The following ANKRD13C variants were observed in gnomAD, a reference collection of about 807,000 sequenced individuals.
ANKRD13C encodes the protein ankyrin repeat domain 13C, also known as ankyrin repeat domain-containing protein 13C.
ANKRD13C carries 16 observed loss-of-function variants against 65.5 expected under a neutral mutation model. The observed-to-expected ratio is 0.24, with a 90% CI of 0.17 to 0.37. The LOEUF is 0.37. Ranked by LOEUF, ANKRD13C falls within the 10% of genes least tolerant of loss-of-function variation. ANKRD13C has a pLI of 1.00. For synonymous variants in ANKRD13C, 235 were observed against 238.7 expected, an observed-to-expected ratio of 0.98 and a Z score of 0.14; for missense variants, 503 against 655.9, an observed-to-expected ratio of 0.77 and a Z score of 2.55.
intron 9 of ANKRD13C, among the ~76,000 whole-genome samples, chr1:70,284,970 AC>A (rs1679552156): frequency 6.6e-6 from 1 of 152,102 alleles, no homozygotes; most frequent in African/African-American, 2.4e-5. Context: ...ATGGCACTCA[AC>A]TCAGAATAGG....
intron 9 of ANKRD13C, among the ~76,000 whole-genome samples, chr1:70,286,086 AC>A (rs138505289): frequency 0.013 from 2,032 of 152,240 alleles, 56 homozygotes; most frequent in African/African-American, 0.046. Flanking sequence ...AAGAGAAAAA[AC>A]AACACACAGC....
intron 3 of ANKRD13C, among the ~76,000 whole-genome samples, chr1:70,321,196 T>C (rs1319193452): frequency 6.6e-6 from 1 of 152,208 alleles, no homozygotes; most frequent in Non-Finnish European, 1.5e-5. Context: ...TATGCATGAC[T>C]TGAAGTCTCA....
chr1:70,320,681 A>G (rs1320815568), intron 3 of ANKRD13C, among the ~76,000 whole-genome samples: 4 of 152,028 alleles, frequency 2.6e-5, no homozygotes, highest in African/African-American at 7.2e-5. Context: ...TCTTTTCCCT[A>G]TAATTCCTAA....
chr1:70,339,665 C>T (rs1682215540), intron 1 of ANKRD13C, among the ~76,000 whole-genome samples: 1 of 151,828 alleles, frequency 6.6e-6, no homozygotes, highest in Non-Finnish European at 1.5e-5. Flanking sequence ...ATTTTTCTAG[C>T]ATTGTTTATC....
intron 5 of ANKRD13C, 130 bp downstream of exon 5, chr1:70,313,615 G>T: frequency 3.1e-6 from 2 of 644,330 alleles, no homozygotes; most frequent in Non-Finnish European, 5.5e-6. Flanking sequence ...TACAGTCAAT[G>T]TCATGAAAAA....
intron 7 of ANKRD13C, among the ~76,000 whole-genome samples, chr1:70,298,941 C>T (rs887924020): frequency 4.6e-5 from 7 of 151,928 alleles, no homozygotes; most frequent in Non-Finnish European, 7.4e-5. Flanking sequence ...CAACCTATAG[C>T]GTAGAATGTA....
intron 3 of ANKRD13C, among the ~76,000 whole-genome samples, chr1:70,318,083 CT>C (rs1315097313): frequency 6.6e-6 from 1 of 152,122 alleles, no homozygotes; most frequent in Non-Finnish European, 1.5e-5. Flanking sequence ...TTCTATATGA[CT>C]TCATATTGAA....
chr1:70,299,069 G>A (rs1269511126), intron 7 of ANKRD13C, among the ~76,000 whole-genome samples: 1 of 151,194 alleles, frequency 6.6e-6, no homozygotes, highest in African/African-American at 2.5e-5. Flanking sequence ...AAGCTTTATG[G>A]TTCCAGATTT....
chr1:70,262,212 CATA>C lies in ANKRD13C; in HGVS notation c.*502_*504del, dbSNP rs1268463973. 2 of 152,554 alleles carry C rather than the reference CATA, an allele frequency of 1.3e-5. No homozygotes were observed. Among genetic ancestry groups the C allele is most frequent in the African/African-American group, 4.8e-5 (2 of 41,430 alleles). The allele number at this position is 152,554 out of a possible 1,614,324, so 9.5% of individuals were successfully genotyped here. A position where few individuals can be genotyped will look rare whatever the true frequency, so the allele number is the denominator to read the frequency against. On this transcript the variant is annotated 3_prime_UTR_variant, in exon 13 of 13. Coordinates refer to ENST00000370944, the MANE Select transcript of ANKRD13C (RefSeq NM_030816.5). ...CAAACATTCAAATTACTGAACTATA[CATA>C]ATGTTACATAGTTTACATTTTATGA...
chr1:70,306,359 TAA>T, intron 5 of ANKRD13C, 69 bp from the exon 6 acceptor site: 4 of 952,082 alleles, frequency 4.2e-6, no homozygotes, highest in Admixed American at 4.6e-5. Context: ...ACTTTTAAAT[TAA>T]AAGAGTAATG....
intron 3 of ANKRD13C, among the ~76,000 whole-genome samples, chr1:70,321,100 G>A (rs74892785): frequency 0.015 from 2,339 of 152,112 alleles, 59 homozygotes; most frequent in African/African-American, 0.053. Flanking sequence ...ACACAGTCTC[G>A]AATTTTCTTT....
intron 2 of ANKRD13C, among the ~76,000 whole-genome samples, chr1:70,328,347 A>G (rs1377115666): frequency 6.6e-6 from 1 of 152,162 alleles, no homozygotes; most frequent in African/African-American, 2.4e-5. Flanking sequence ...ACAGAAGTAT[A>G]TAATGATTGC....
chr1:70,269,110 C>T lies in ANKRD13C; in HGVS notation c.1495+1746G>A, dbSNP rs369578338. On this transcript the variant is annotated intron_variant, in intron 12 of 12. Transcript: ENST00000370944. ...TTTATCCTAAATGTAGAAAAAGAAA[C>T]GGTGAAAGAGTAAACATACACAGGA... Among the ~76,000 whole-genome samples the T allele has an allele frequency of 1.5e-4, 21 of 138,542 alleles. No homozygotes were observed. In the East Asian group the frequency reaches 3.8e-3, roughly 25 times the overall value. 90.9% of individuals were successfully genotyped at this position (138,542 alleles called of 152,430 possible). A position where few individuals can be genotyped will look rare whatever the true frequency, so the allele number is the denominator to read the frequency against.
At chr1:70,314,870 A>T (rs778657799) in intron 4 of ANKRD13C, among the ~76,000 whole-genome samples, 1 of 151,786 alleles carries the variant, frequency 6.6e-6, no homozygotes, top group Non-Finnish European at 1.5e-5. Flanking sequence ...AAAACAAACC[A>T]CTCTCTTTTG....
chr1:70,273,836 A>G (rs1314441801), intron 11 of ANKRD13C, among the ~76,000 whole-genome samples: 1 of 151,916 alleles, frequency 6.6e-6, no homozygotes, highest in Non-Finnish European at 1.5e-5. Context: ...TTGTATTTTT[A>G]GTAGAGATAG....
Position 70,260,935 on chromosome 1 carries a change from C to T in ANKRD13C, c.*1782G>A, listed in dbSNP as rs1430157393. 1 of 152,014 alleles carries T rather than the reference C, an allele frequency of 6.6e-6. No homozygotes were observed. Among genetic ancestry groups the T allele is most frequent in the Non-Finnish European group, 1.5e-5 (1 of 67,952 alleles). The allele number at this position is 152,014 out of a possible 1,614,324, so 9.4% of individuals were successfully genotyped here. A position where few individuals can be genotyped will look rare whatever the true frequency, so the allele number is the denominator to read the frequency against. On this transcript the variant is annotated 3_prime_UTR_variant, in exon 13 of 13. Coordinates refer to ENST00000370944, the MANE Select transcript of ANKRD13C (RefSeq NM_030816.5). ...CATATTCCTGAAAGTATACCATATT[C>T]CTACAAAGTAAGGGAGCCTAGAAGC...
intron 1 of ANKRD13C, among the ~76,000 whole-genome samples, chr1:70,352,245 C>T (rs184355792): frequency 1.9e-3 from 282 of 145,088 alleles, no homozygotes; most frequent in African/African-American, 6.9e-3. Flanking sequence ...GAGGCTGAGG[C>T]AGGAGAATGG....
In ANKRD13C at chr1:70,287,749, A is replaced by G. The variant is rs542465796; in HGVS notation, c.1215+4639T>C. 9.2e-5 allele frequency among the ~76,000 whole-genome samples: 14 copies of G among 152,240 alleles called. No homozygotes were observed. In the South Asian group the frequency reaches 2.9e-3, roughly 32 times the overall value. Reference sequence around the variant, plus strand: ...GGGCCAGGCATAATGGCTCATGCCTATAATCCCAGCACTTTGGGAAGCTGA... The same window carrying G: ...GGGCCAGGCATAATGGCTCATGCCTGTAATCCCAGCACTTTGGGAAGCTGA... On this transcript the variant is annotated intron_variant, in intron 9 of 12. Transcript: ENST00000370944.
At chr1:70,350,588 A>T (rs1028585743) in intron 1 of ANKRD13C, among the ~76,000 whole-genome samples, 26 of 152,232 alleles carry the variant, frequency 1.7e-4, no homozygotes, top group African/African-American at 6.3e-4. Context: ...CCAATGGTAG[A>T]ATCTCTTTAC....
Sources: gnomAD v4.1 joint callset for allele counts (sites outside exome capture counted in the v4.1 genomes callset) on GRCh38, gnomAD v4.1.1 for gene constraint, MANE v1.5 for transcripts, NCBI Gene and HGNC (gene_info 2026-07-23, HGNC 2026-07-21) for gene names.